VPS18: variants seen among roughly 807,000 people sequenced by gnomAD.
VPS18 encodes the protein vacuolar protein sorting-associated protein 18 homolog.
VPS18 carries 25 observed loss-of-function variants against 82.0 expected under a neutral mutation model. That is an observed-to-expected ratio of 0.30 (90% CI 0.22 to 0.43). The LOEUF (loss-of-function observed/expected upper bound fraction) is 0.43. Among genes scored for constraint, VPS18 ranks in the 20% least tolerant of loss-of-function variants. The pLI is 1.00. For missense variants in VPS18, 1,168 were observed against 1,311.1 expected, an observed-to-expected ratio of 0.89 and a Z score of 1.69; for synonymous variants, 523 against 543.0, an observed-to-expected ratio of 0.96 and a Z score of 0.51.
rs981911701 is a variant in VPS18 at position 40,899,552 on chromosome 15, C to T, written c.734C>T (p.Ser245Leu). 3.7e-6 allele frequency: 6 copies of T among 1,608,940 alleles called. No homozygotes were observed. The South Asian group carries it at 6.6e-5, about 18-fold the overall frequency. ...AAEGAEAQGFSGLFAAYTDHP... is the reference protein window; with the variant it reads ...AAEGAEAQGFLGLFAAYTDHP... The stretch of plus-strand genomic sequence containing the variant: ...GAGGGGGCTGAGGCCCAGGGTTTCT[C>T]AGGGCTCTTTGCAGCTTACACGGAC... The change falls in exon 4 of 5, where the codon TCA (serine) becomes TTA (leucine). Residue 245 changes from serine to leucine, a missense_variant. By Grantham distance (145) the Ser-to-Leu change is moderately radical. Transcript: ENST00000220509. The surrounding 1 kb of genome is among the most constrained non-coding windows in gnomAD (Gnocchi z 4.4).
At position 40,903,171 on chromosome 15, in the gene VPS18, G is replaced by A; in HGVS notation, c.2752G>A (p.Ala918Thr). Residue 918 changes from alanine to threonine, a missense_variant, in exon 5 of 5, where the codon GCC becomes ACC. By Grantham distance (58) the Ala-to-Thr change is moderately conservative (BLOSUM62 0). This residue lies in a region of VPS18 where 296 missense variants were observed against 354.0 expected (regional missense o/e 0.84). Coordinates refer to ENST00000220509, the MANE Select transcript of VPS18 (RefSeq NM_020857.3). ...CAAGGGCTCTGCCCGGGCCAAGGAG[G>A]CCGAGGGTGGGGCTGCCACGGCAGG... Reference protein sequence around the residue: ...PAKGSARAKEAEGGAATAGPS... With the variant: ...PAKGSARAKETEGGAATAGPS... 2 of 1,606,522 alleles carry A rather than the reference G, an allele frequency of 1.2e-6. No individual in the cohort carries two copies. The highest frequency in any genetic ancestry group is 1.7e-6 in the Non-Finnish European group (2 of 1,176,366).
chr15:40,898,553 C>T (rs1352930066), intron 2 of VPS18: 2 of 327,810 alleles, frequency 6.1e-6, no homozygotes, highest in Admixed American at 4.3e-5. Context: ...CTCACTGCAA[C>T]CTCTGCCTCC....
chr15:40,900,964 G>C lies in VPS18; in HGVS notation c.2146G>C (p.Val716Leu). 1 of 1,611,014 alleles carries C rather than the reference G, an allele frequency of 6.2e-7. No homozygotes were observed. The highest frequency in any genetic ancestry group is 8.5e-7 in the Non-Finnish European group (1 of 1,180,006). Reference protein sequence around the residue: ...EHGHHRACVHVYKVLELYEEA... With the variant: ...EHGHHRACVHLYKVLELYEEA... ...TGGCCACCACCGCGCTTGTGTCCAT[G>C]TCTACAAGGTCCTAGAGCTGTATGA... Residue 716 changes from valine to leucine, a missense_variant, in exon 4 of 5, where the codon GTC becomes CTC. Physicochemically the swap from Val to Leu is conservative, Grantham distance 32. Coordinates refer to ENST00000220509, the MANE Select transcript of VPS18 (RefSeq NM_020857.3). The surrounding 1 kb of genome is among the most constrained non-coding windows in gnomAD (Gnocchi z 5.4).
Position 40,903,447 on chromosome 15 carries a change from C to A in VPS18, c.*106C>A. ...GCTCAGTCATCTTGCAATTGCCACACTGTGACCACGTTGACGGGAGTAGAG... is the reference window on the plus strand; with the variant it reads ...GCTCAGTCATCTTGCAATTGCCACAATGTGACCACGTTGACGGGAGTAGAG... On this transcript the variant is annotated 3_prime_UTR_variant, in exon 5 of 5. Transcript: ENST00000220509. The A allele has an allele frequency of 6.9e-7, 1 of 1,449,582 alleles. No individual in the cohort carries two copies. The highest frequency in any genetic ancestry group is 9.1e-7 in the Non-Finnish European group (1 of 1,093,320). 89.8% of individuals were successfully genotyped at this position (1,449,582 alleles called of 1,614,324 possible). A position where few individuals can be genotyped will look rare whatever the true frequency, so the allele number is the denominator to read the frequency against.
intron 2 of VPS18, among the ~76,000 whole-genome samples, chr15:40,896,672 G>T (rs985226824): frequency 6.6e-6 from 1 of 151,748 alleles, no homozygotes; most frequent in Non-Finnish European, 1.5e-5. Flanking sequence ...TTAGCCGGGC[G>T]TGGTGGCAGG....
In VPS18 at chr15:40,895,988, C is replaced by T. The variant is rs781716669; in HGVS notation, c.142C>T (p.Arg48Cys). ...EKEVPIFTKQ[R>C]IDFTPSERIT... ...GGAAGTGCCCATCTTCACAAAGCAGCGCATTGACTTCACCCCTTCCGAGCG... is the reference window on the plus strand; with the variant it reads ...GGAAGTGCCCATCTTCACAAAGCAGTGCATTGACTTCACCCCTTCCGAGCG... The change falls in exon 2 of 5, where the codon CGC becomes TGC. Residue 48 changes from arginine to cysteine, a missense_variant. By Grantham distance (180) the Arg-to-Cys change is radical. Transcript: ENST00000220509. 33 of 1,614,032 alleles carry T rather than the reference C, an allele frequency of 2.0e-5. No homozygotes were observed. The highest frequency in any genetic ancestry group is 5.3e-5 in the African/African-American group (4 of 74,902).
rs1596181460 is a variant in VPS18, at chr15:40,903,886, A to T, written c.*545A>T. On this transcript the variant is annotated 3_prime_UTR_variant, in exon 5 of 5. Transcript: ENST00000220509. ...TTTTGTGCACACTCTCTGGGGCTCC[A>T]GTGTGAAGGGTGCCCTGGGGCTGAG... 2 of 153,278 alleles carry T rather than the reference A, an allele frequency of 1.3e-5. No homozygotes were observed. The highest frequency in any genetic ancestry group is 1.9e-4 in the East Asian group (1 of 5,212). 9.5% of individuals were successfully genotyped at this position (153,278 alleles called of 1,614,324 possible). A position where few individuals can be genotyped will look rare whatever the true frequency, so the allele number is the denominator to read the frequency against.
chr15:40,895,747 G>A (rs1467537488), intron 1 of VPS18, among the ~76,000 whole-genome samples, 191 bp from the exon 2 acceptor site: 3 of 152,152 alleles, frequency 2.0e-5, no homozygotes, highest in African/African-American at 7.2e-5. Context: ...TCAGAGTGTG[G>A]AAAGAGCTCC....
rs1892346397 is a variant in VPS18 at position 40,900,923 on chromosome 15, G to A, written c.2105G>A (p.Arg702Gln). 6.2e-7 allele frequency: 1 copy of A among 1,613,568 alleles called. No homozygotes were observed. The highest frequency in any genetic ancestry group is 8.5e-7 in the Non-Finnish European group (1 of 1,180,030). Residue 702 changes from arginine to glutamine, a missense_variant, in exon 4 of 5, where the codon CGG (arginine) becomes CAG (glutamine). Transcript: ENST00000220509. This position sits in a 1 kb window ranked among gnomAD's most constrained non-coding sequence, Gnocchi z 5.4. ...CATTACGACCTCAAGTATGCGCTGC[G>A]GCTCTGCGCCGAGCATGGCCACCAC... ...RVHYDLKYAL[R>Q]LCAEHGHHRA... is the part of the protein sequence containing the mutation.
In VPS18 at chr15:40,899,533, G is replaced by C. The variant is rs751337114; in HGVS notation, c.715G>C (p.Ala239Pro). The C allele has an allele frequency of 6.2e-7, 1 of 1,609,654 alleles. No homozygotes were observed. The highest frequency in any genetic ancestry group is 8.5e-7 in the Non-Finnish European group (1 of 1,180,028). Reference protein sequence around the residue: ...FQFIGRAAEGAEAQGFSGLFA... With the variant: ...FQFIGRAAEGPEAQGFSGLFA... ...GTTCATAGGCCGAGCAGCAGAGGGG[G>C]CTGAGGCCCAGGGTTTCTCAGGGCT... The change falls in exon 4 of 5, where the codon GCT becomes CCT. Residue 239 changes from alanine (A) to proline (P), a missense_variant. Physicochemically the swap from Ala to Pro is conservative, Grantham distance 27 (BLOSUM62 -1). This residue lies in a region of VPS18 where 868 missense variants were observed against 939.8 expected (regional missense o/e 0.92). Coordinates refer to ENST00000220509, the MANE Select transcript of VPS18 (RefSeq NM_020857.3). The surrounding 1 kb of genome is among the most constrained non-coding windows in gnomAD (Gnocchi z 4.4).
intron 2 of VPS18, among the ~76,000 whole-genome samples, chr15:40,898,346 G>A (rs912414919): frequency 2.0e-5 from 3 of 150,366 alleles, no homozygotes; most frequent in Admixed American, 6.7e-5. Flanking sequence ...CTATCCTCTC[G>A]CCTCTGTGCC....
At chr15:40,896,411 G>A (rs1037186696) in intron 2 of VPS18, among the ~76,000 whole-genome samples, 50 of 151,990 alleles carry the variant, frequency 3.3e-4, no homozygotes, top group Admixed American at 3.2e-3. Context: ...TAGGTGTGAT[G>A]GTGCAGTCCC....
chr15:40,896,212 T>C, intron 2 of VPS18, 133 bp downstream of exon 2: 3 of 1,315,842 alleles, frequency 2.3e-6, no homozygotes, highest in Non-Finnish European at 3.1e-6. Flanking sequence ...ATCCTATCCC[T>C]TTCCAAAGAG....
In VPS18 at chr15:40,894,715, G is replaced by A; in HGVS notation, c.-54G>A. 1.3e-6 allele frequency: 2 copies of A among 1,497,124 alleles called. No homozygotes were observed. Among genetic ancestry groups the A allele is most frequent in the Non-Finnish European group, 1.8e-6 (2 of 1,115,344 alleles). The allele number at this position is 1,497,124 out of a possible 1,614,324, so 92.7% of individuals were successfully genotyped here. A position where few individuals can be genotyped will look rare whatever the true frequency, so the allele number is the denominator to read the frequency against. ...CTGGGGCGACGGGGACCCCGGGGGG[G>A]TAGCCCTTTTGTAATCCCCAGGCCC... On this transcript the variant is annotated 5_prime_UTR_variant, in exon 1 of 5. Coordinates refer to ENST00000220509, the MANE Select transcript of VPS18 (RefSeq NM_020857.3).
In VPS18 at chr15:40,896,038, C is replaced by T; in HGVS notation, c.192C>T (p.Ser64=). 1 of 1,614,224 alleles carries T rather than the reference C, an allele frequency of 6.2e-7. No homozygotes were observed. The highest frequency in any genetic ancestry group is 2.2e-5 in the East Asian group (1 of 44,888). ...GCATTACCAGTCTTGTCGTCTCCAGCAATCAGCTGTGCATGAGCCTGGGCA... is the reference window on the plus strand; with the variant it reads ...GCATTACCAGTCTTGTCGTCTCCAGTAATCAGCTGTGCATGAGCCTGGGCA... ...SERITSLVVS[S]NQLCMSLGKD... Residue 64 remains serine, a synonymous_variant, in exon 2 of 5, where the codon AGC becomes AGT. Transcript: ENST00000220509.
At position 40,900,730 on chromosome 15, in the gene VPS18, G is replaced by A. The variant is rs1265053411; in HGVS notation, c.1912G>A (p.Glu638Lys). 2 of 1,614,208 alleles carry A rather than the reference G, an allele frequency of 1.2e-6. No homozygotes were observed. Among genetic ancestry groups the A allele is most frequent in the Non-Finnish European group, 1.7e-6 (2 of 1,180,038 alleles). ...PALVNYSQGG[E>K]VQQVSQAIRY... is the part of the protein sequence containing the mutation. ...CCTGGTGAACTACAGCCAGGGTGGT[G>A]AGGTCCAGCAGGTGAGCCAGGCCAT... The change falls in exon 4 of 5, where the codon GAG (glutamate) becomes AAG (lysine). Residue 638 changes from glutamate (E) to lysine (K), a missense_variant. Transcript: ENST00000220509. The surrounding 1 kb of genome is among the most constrained non-coding windows in gnomAD (Gnocchi z 5.4).
chr15:40,902,758 G>A lies in VPS18; in HGVS notation c.2339G>A (p.Cys780Tyr). 1.2e-6 allele frequency: 2 copies of A among 1,614,260 alleles called. No homozygotes were observed. Among genetic ancestry groups the A allele is most frequent in the Non-Finnish European group, 8.5e-7 (1 of 1,180,044 alleles). ...VQTAMACLAS[C>Y]PLLKIEDVLP... ...ACAGCCATGGCTTGCCTGGCTAGCT[G>A]CCCCTTGCTCAAGATTGAGGATGTG... The change falls in exon 5 of 5, where the codon TGC becomes TAC. Residue 780 changes from cysteine to tyrosine, a missense_variant. Physicochemically the swap from Cys to Tyr is radical, Grantham distance 194 (BLOSUM62 -2). Transcript: ENST00000220509. This position sits in a 1 kb window ranked among gnomAD's most constrained non-coding sequence, Gnocchi z 4.2.
Position 40,895,935 on chromosome 15 carries a change from T to C in VPS18, c.92-3T>C. On this transcript the variant is annotated splice_polypyrimidine_tract_variant and splice_region_variant and intron_variant, in intron 1 of 4. Coordinates refer to ENST00000220509, the MANE Select transcript of VPS18 (RefSeq NM_020857.3). ...TAATCTTCTTGTCATTCCTTACCTG[T>C]AGGGTATGTGAATGCCCAGCTGGAG... The C allele has an allele frequency of 6.2e-7, 1 of 1,614,216 alleles. No individual in the cohort carries two copies. Among genetic ancestry groups the C allele is most frequent in the Non-Finnish European group, 8.5e-7 (1 of 1,180,032 alleles).
intron 2 of VPS18, among the ~76,000 whole-genome samples, chr15:40,898,160 A>G (rs927308307): frequency 1.5e-4 from 22 of 147,578 alleles, no homozygotes; most frequent in South Asian, 4.3e-4. Context: ...TAGAGATGTG[A>G]TTTCACCGTG....
Sources: allele counts gnomAD v4.1 joint callset (sites outside exome capture counted in the v4.1 genomes callset), GRCh38; gene constraint gnomAD v4.1.1; regional missense constraint gnomAD v4.1.1; non-coding constraint Gnocchi (gnomAD v3.1); transcripts MANE v1.5; gene names NCBI Gene and HGNC (gene_info 2026-07-23, HGNC 2026-07-21).